FANCL: variants seen among roughly 807,000 people sequenced by gnomAD.
The protein encoded by FANCL is FA complementation group L.
Under a neutral mutation model 59.4 loss-of-function variants are expected in FANCL, and 69 were observed. The observed-to-expected ratio is 1.16, with a 90% confidence interval of 0.96 to 1.42. The LOEUF (loss-of-function observed/expected upper bound fraction) is 1.42, where lower values mean the gene tolerates loss of function less well. Among genes scored for constraint, FANCL ranks in the 40% most tolerant of loss-of-function variants. The probability of loss-of-function intolerance (pLI) is 0.00; values close to 1 mark genes in which losing one functional copy is unlikely to be tolerated. For missense variants in FANCL, 519 were observed against 447.2 expected, an observed-to-expected ratio of 1.16 and a Z score of -1.45; for synonymous variants, 180 against 147.1, an observed-to-expected ratio of 1.22 and a Z score of -1.62.
At chr2:58,160,220 T>G in intron 12 of FANCL, 41 bp from the exon 13 acceptor site, 1 of 1,576,706 alleles carries the variant, frequency 6.3e-7, no homozygotes, top group Non-Finnish European at 8.7e-7. Flanking sequence ...TCAGCATGAT[T>G]ACAAATTACA....
chr2:58,162,830 T>A, intron 11 of FANCL, 36 bp downstream of exon 11: 1 of 1,548,462 alleles, frequency 6.5e-7, no homozygotes, highest in African/African-American at 1.4e-5. Flanking sequence ...CATTATGCAA[T>A]ACTGTCTGGA....
At chr2:58,173,417 A>G (rs1686892553) in intron 7 of FANCL, among the ~76,000 whole-genome samples, 1 of 152,222 alleles carries the variant, frequency 6.6e-6, no homozygotes, top group South Asian at 2.1e-4. Context: ...AGGGAAGCCC[A>G]TCAGACTAAC....
intron 7 of FANCL, among the ~76,000 whole-genome samples, chr2:58,175,648 G>A (rs1446005238): frequency 1.3e-5 from 2 of 152,070 alleles, no homozygotes; most frequent in Non-Finnish European, 2.9e-5. Flanking sequence ...AATAATAAGA[G>A]CTATCTATGA....
At position 58,159,484 on chromosome 2, in the gene FANCL, G is replaced by C. The variant is rs951671744; in HGVS notation, c.*281C>G. The C allele has an allele frequency of 3.1e-6, 5 of 1,613,562 alleles. No homozygotes were observed. In the East Asian group the frequency reaches 8.9e-5, roughly 29 times the overall value. On this transcript the variant is annotated 3_prime_UTR_variant, in exon 14 of 14. Transcript: ENST00000233741. ...GCCTCATCAAGATTTTACCAGTCCA[G>C]ATATATTCAAGAAGTCAAGATCTCC...
At chr2:58,237,350 A>T (rs1420682356) in intron 1 of FANCL, among the ~76,000 whole-genome samples, 1 of 152,164 alleles carries the variant, frequency 6.6e-6, no homozygotes, top group African/African-American at 2.4e-5. Flanking sequence ...ATTGAGAAAG[A>T]TAATCATAAT....
chr2:58,240,342 G>A (rs1558835584), intron 1 of FANCL, among the ~76,000 whole-genome samples: 1 of 152,114 alleles, frequency 6.6e-6, no homozygotes, highest in African/African-American at 2.4e-5. Flanking sequence ...GGGGAAGTGG[G>A]CACAAGGTTG....
chr2:58,227,691 C>T (rs1693160253), intron 3 of FANCL, among the ~76,000 whole-genome samples: 1 of 152,076 alleles, frequency 6.6e-6, no homozygotes, highest in South Asian at 2.1e-4. Flanking sequence ...GCTAGGGTCT[C>T]GGGTTTTTAT....
At chr2:58,161,696 C>T in intron 11 of FANCL, 58 bp from the exon 12 acceptor site, 1 of 1,141,508 alleles carries the variant, frequency 8.8e-7, no homozygotes, top group Non-Finnish European at 1.3e-6. Context: ...ATTCGTTGTA[C>T]ATATTTGGGA....
At chr2:58,179,507 G>A (rs983777984) in intron 7 of FANCL, among the ~76,000 whole-genome samples, 10 of 152,116 alleles carry the variant, frequency 6.6e-5, no homozygotes, top group Admixed American at 5.9e-4. Context: ...TTTATTAAAC[G>A]GTGTTGGGAA....
At chr2:58,161,660 A>T (rs374165109) in intron 11 of FANCL, 22 bp from the exon 12 acceptor site, 64 of 1,512,224 alleles carry the variant, frequency 4.2e-5, no homozygotes, top group Non-Finnish European at 5.6e-5. Flanking sequence ...AAATATTTAT[A>T]AAAAGCGTAT....
chr2:58,159,756 A>G lies in FANCL; in HGVS notation c.*9T>C, dbSNP rs1225646454. On this transcript the variant is annotated 3_prime_UTR_variant, in exon 14 of 14. Coordinates refer to ENST00000233741, the MANE Select transcript of FANCL (RefSeq NM_018062.4). ...TTCCAGCTCTTCACCGAAATGTTGT[A>G]TTCTTATTTCAGTGTTTCCTTCCAG... 1 of 1,613,166 alleles carries G rather than the reference A, an allele frequency of 6.2e-7. No homozygotes were observed. Among genetic ancestry groups the G allele is most frequent in the Non-Finnish European group, 8.5e-7 (1 of 1,179,556 alleles).
Position 58,204,121 on chromosome 2 carries a change from G to A in FANCL, c.471+9C>T, listed in dbSNP as rs376716140. ...TCTGATCACAATAACAGTTTAACGA[G>A]GCACATACCTTTGCCTTCAACTTGA... is the stretch of plus-strand genomic sequence containing the variant. On this transcript the variant is annotated intron_variant, in intron 6 of 13. Transcript: ENST00000233741. 6.2e-7 allele frequency: 1 copy of A among 1,602,454 alleles called. No individual in the cohort carries two copies. The highest frequency in any genetic ancestry group is 1.1e-5 in the South Asian group (1 of 90,846).
intron 7 of FANCL, among the ~76,000 whole-genome samples, chr2:58,173,863 C>T (rs1686957720): frequency 6.6e-6 from 1 of 151,918 alleles, no homozygotes; most frequent in African/African-American, 2.4e-5. Flanking sequence ...AGAGTCAAGA[C>T]CCATCAGTGT....
intron 7 of FANCL, among the ~76,000 whole-genome samples, chr2:58,184,820 C>T (rs1438753901): frequency 2.0e-5 from 3 of 152,006 alleles, no homozygotes; most frequent in East Asian, 1.9e-4. Flanking sequence ...CTTAAAAAGT[C>T]CCCCAAAACG....
At chr2:58,171,678 C>T (rs574574920) in intron 7 of FANCL, among the ~76,000 whole-genome samples, 36 of 152,314 alleles carry the variant, frequency 2.4e-4, no homozygotes, top group African/African-American at 7.5e-4. Context: ...GGGTGAGCGA[C>T]GCAGAAGACG....
chr2:58,159,622 G>T lies in FANCL; in HGVS notation c.*143C>A, dbSNP rs1265983706. The T allele has an allele frequency of 1.2e-6, 2 of 1,613,646 alleles. No homozygotes were observed. Among genetic ancestry groups the T allele is most frequent in the South Asian group, 1.1e-5 (1 of 91,066 alleles). On this transcript the variant is annotated 3_prime_UTR_variant, in exon 14 of 14. Coordinates refer to ENST00000233741, the MANE Select transcript of FANCL (RefSeq NM_018062.4). ...TACTCTTAGTGAAGAGACAAACGCA[G>T]ATGTTTATTATTATCGCATCATCAT...
intron 6 of FANCL, among the ~76,000 whole-genome samples, chr2:58,202,810 G>A (rs1690178532): frequency 1.3e-5 from 2 of 151,924 alleles, no homozygotes; most frequent in South Asian, 4.1e-4. Context: ...TATAGTTAAA[G>A]GCAGCACAAA....
intron 7 of FANCL, among the ~76,000 whole-genome samples, chr2:58,185,200 T>A (rs1031477759): frequency 6.6e-6 from 1 of 151,902 alleles, no homozygotes; most frequent in Non-Finnish European, 1.5e-5. Flanking sequence ...AAGGAAAAAA[T>A]AGACATCTCC....
intron 5 of FANCL, among the ~76,000 whole-genome samples, chr2:58,217,166 TTATATATATATATATATATATA>T (rs1158149205): frequency 2.5e-4 from 12 of 47,336 alleles, no homozygotes; most frequent in African/African-American, 8.6e-4. Context: ...TTTATATATT[TTATATATATATATATATATATA>T]TATATATATA....
Sources: allele counts gnomAD v4.1 joint callset (sites outside exome capture counted in the v4.1 genomes callset), GRCh38; gene constraint gnomAD v4.1.1; transcripts MANE v1.5; gene names NCBI Gene and HGNC (gene_info 2026-07-23, HGNC 2026-07-21).